Variants in ITGA8 observed in about 807,000 individuals in gnomAD.
The protein encoded by ITGA8 is integrin subunit alpha 8.
A neutral mutation model predicts 142.3 loss-of-function variants in ITGA8; 91 were observed. The ratio of observed to expected loss-of-function variants is 0.64; its 90% CI spans 0.54 to 0.76. ITGA8 has a LOEUF of 0.76. Ranked by LOEUF, ITGA8 falls within the 30% of genes least tolerant of loss-of-function variation. The pLI, the probability that ITGA8 is intolerant of heterozygous loss-of-function variation, is 0.00. For missense variants in ITGA8, 1,406 were observed against 1,327.7 expected (o/e 1.06, Z -0.92); for synonymous variants, 505 against 485.2 (o/e 1.04, Z -0.54).
At chr10:15,566,214 T>C (rs905450120) in intron 25 of ITGA8, among the ~76,000 whole-genome samples, 51 of 152,304 alleles carry the variant, frequency 3.3e-4, no homozygotes, top group African/African-American at 1.2e-3. Flanking sequence ...CCCATGGGAC[T>C]GGTCTGGTTC....
At chr10:15,530,965 C>G in intron 28 of ITGA8, 85 bp downstream of exon 28, 1 of 844,100 alleles carries the variant, frequency 1.2e-6, no homozygotes, top group Non-Finnish European at 1.9e-6. Flanking sequence ...AATGTAAACA[C>G]TAAAGCCTAG....
At chr10:15,581,828 G>A (rs75978375) in intron 23 of ITGA8, among the ~76,000 whole-genome samples, 4,991 of 152,222 alleles carry the variant, frequency 0.033, 281 homozygotes, top group African/African-American at 0.11. Context: ...ATCAATAGAA[G>A]AGAATAGCAA....
chr10:15,636,120 C>T, intron 13 of ITGA8, among the ~76,000 whole-genome samples: 1 of 152,256 alleles, frequency 6.6e-6, no homozygotes, highest in Non-Finnish European at 1.5e-5. Context: ...AGGATTTCTG[C>T]CCCTCAACAA....
At chr10:15,704,272 T>G (rs1835218093) in intron 2 of ITGA8, among the ~76,000 whole-genome samples, 1 of 152,212 alleles carries the variant, frequency 6.6e-6, no homozygotes, top group African/African-American at 2.4e-5. Context: ...CATTGCCACC[T>G]TCAAATCCAT....
intron 11 of ITGA8, among the ~76,000 whole-genome samples, chr10:15,647,922 G>A (rs2131655131): frequency 6.6e-6 from 1 of 152,044 alleles, no homozygotes; most frequent in African/African-American, 2.4e-5. Flanking sequence ...TGAATTCTTT[G>A]GATACATAGA....
intron 12 of ITGA8, among the ~76,000 whole-genome samples, chr10:15,645,544 A>G (rs1283157209): frequency 6.6e-6 from 1 of 152,202 alleles, no homozygotes; most frequent in Non-Finnish European, 1.5e-5. Context: ...TAAGCTTTTT[A>G]CATGTACTTT....
chr10:15,718,626 A>G (rs970516358), intron 2 of ITGA8, 140 bp downstream of exon 2: 14 of 1,039,764 alleles, frequency 1.3e-5, no homozygotes, highest in African/African-American at 6.4e-5. Flanking sequence ...TGATTTCTCT[A>G]GAGACCCACA....
intron 27 of ITGA8, among the ~76,000 whole-genome samples, chr10:15,543,532 G>A (rs910004571): frequency 1.3e-5 from 2 of 152,284 alleles, no homozygotes; most frequent in East Asian, 3.9e-4. Flanking sequence ...ATGTCTAAGA[G>A]TAGATGGAAA....
In ITGA8 at chr10:15,548,530, T is replaced by G; in HGVS notation, c.2805A>C (p.Ala935=). 7 of 1,608,560 alleles carry G rather than the reference T, an allele frequency of 4.4e-6. No homozygotes were observed. The highest frequency in any genetic ancestry group is 5.9e-6 in the Non-Finnish European group (7 of 1,178,464). Residue 935 remains alanine (A), a synonymous_variant, in exon 27 of 30, where the codon GCA becomes GCC. Coordinates refer to ENST00000378076, the MANE Select transcript of ITGA8 (RefSeq NM_003638.3). ...TTTCTCCTCCTTCGAGTCGTCCCAC[T>G]GCACAGGAGATTTGTAAACACTCGA... ...TNIECLQISC[A]VGRLEGGESA...
At chr10:15,669,674 C>T (rs540283651) in intron 8 of ITGA8, among the ~76,000 whole-genome samples, 1,957 of 152,160 alleles carry the variant, frequency 0.013, 30 homozygotes, top group African/African-American at 0.044. Context: ...ATGATGGTGA[C>T]GTACAGATGG....
At position 15,606,359 on chromosome 10, in the gene ITGA8, C is replaced by CA; in HGVS notation, c.1827_1828insT (p.Glu610Ter). On this transcript the variant is annotated frameshift_variant, in exon 18 of 30. Transcript: ENST00000378076. LOFTEE classifies it high-confidence loss of function. ...TCCAGGCCTTCTTTAAAGGTGGATT[C>CA]GTCCAAACTGTAATTCAAACTAATG... is the stretch of plus-strand genomic sequence containing the variant. 1 of 1,611,762 alleles carries CA rather than the reference C, an allele frequency of 6.2e-7. No homozygotes were observed. Among genetic ancestry groups the CA allele is most frequent in the Non-Finnish European group, 8.5e-7 (1 of 1,178,178 alleles).
At chr10:15,698,721 T>C (rs1221232966) in intron 2 of ITGA8, among the ~76,000 whole-genome samples, 1 of 152,182 alleles carries the variant, frequency 6.6e-6, no homozygotes, top group Admixed American at 6.5e-5. Context: ...TTTTGAGAAT[T>C]GTCTGTTCAT....
At chr10:15,638,817 GTA>G (rs1833817516) in intron 13 of ITGA8, among the ~76,000 whole-genome samples, 1 of 152,150 alleles carries the variant, frequency 6.6e-6, no homozygotes, top group African/African-American at 2.4e-5. Context: ...CTGAACGCCT[GTA>G]TGTCTGTGAG....
At chr10:15,550,624 C>T (rs547761274) in intron 26 of ITGA8, among the ~76,000 whole-genome samples, 1 of 152,226 alleles carries the variant, frequency 6.6e-6, no homozygotes, top group Non-Finnish European at 1.5e-5. Flanking sequence ...TGTACTAGAC[C>T]AGGGCATGCT....
At chr10:15,533,349 A>G (rs890695816) in intron 27 of ITGA8, among the ~76,000 whole-genome samples, 2 of 152,214 alleles carry the variant, frequency 1.3e-5, no homozygotes, top group Non-Finnish European at 2.9e-5. Context: ...TGTTATTCTA[A>G]TGATCTCTTC....
At chr10:15,682,214 A>C (rs1470838366) in intron 4 of ITGA8, among the ~76,000 whole-genome samples, 1 of 152,166 alleles carries the variant, frequency 6.6e-6, no homozygotes, top group Non-Finnish European at 1.5e-5. Flanking sequence ...CTGACATTGC[A>C]TCATAAACAC....
chr10:15,517,359 C>G (rs1450352907), intron 29 of ITGA8, 115 bp from the exon 30 acceptor site: 9 of 595,594 alleles, frequency 1.5e-5, no homozygotes, highest in Middle Eastern at 3.0e-4. Context: ...GTCTCGCTCT[C>G]TATTCCCCAG....
intron 8 of ITGA8, among the ~76,000 whole-genome samples, chr10:15,669,347 C>T (rs190417634): frequency 3.3e-5 from 5 of 152,294 alleles, no homozygotes; most frequent in Admixed American, 2.0e-4. Flanking sequence ...ACGTGGCTCT[C>T]GTGCCTTGGT....
chr10:15,581,140 A>G (rs2131587804), intron 23 of ITGA8, among the ~76,000 whole-genome samples: 1 of 152,312 alleles, frequency 6.6e-6, no homozygotes, highest in South Asian at 2.1e-4. Context: ...TTAATACCAG[A>G]AAGACCAACA....
Sources: allele counts gnomAD v4.1 joint callset (sites outside exome capture counted in the v4.1 genomes callset), GRCh38; gene constraint gnomAD v4.1.1; transcripts MANE v1.5; gene names NCBI Gene and HGNC (gene_info 2026-07-23, HGNC 2026-07-21).